Variants in WDR20 observed in about 807,000 individuals in gnomAD.
WDR20 encodes WD repeat-containing protein 20.
A neutral mutation model predicts 38.7 loss-of-function variants in WDR20; 3 were observed. The ratio of observed to expected loss-of-function variants is 0.08; its 90% CI spans 0.04 to 0.20. The LOEUF is 0.20. Ranked by LOEUF, WDR20 falls within the 10% of genes least tolerant of loss-of-function variation. The probability of loss-of-function intolerance (pLI) is 1.00; values close to 1 mark genes in which losing one functional copy is unlikely to be tolerated. For missense variants in WDR20, 559 were observed against 727.7 expected (o/e 0.77, Z 2.67); for synonymous variants, 298 against 285.6 (o/e 1.04, Z -0.44).
chr14:102,148,406 G>A (rs2054429860), intron 1 of WDR20, among the ~76,000 whole-genome samples: 1 of 151,976 alleles, frequency 6.6e-6, no homozygotes, highest in Non-Finnish European at 1.5e-5. Context: ...CAGGTGTGGT[G>A]GTGCACGCCT....
In WDR20 at chr14:102,207,824, A is replaced by C. The variant is rs1288121547; in HGVS notation, c.433-779A>C. ...GGGTTTTAAAGGCAAGACTACTGACATACGCCTGTTAAAGAAACATCTCGG... is the reference window on the plus strand; with the variant it reads ...GGGTTTTAAAGGCAAGACTACTGACCTACGCCTGTTAAAGAAACATCTCGG... On this transcript the variant is annotated intron_variant, in intron 2 of 2. Coordinates refer to ENST00000342702, the MANE Select transcript of WDR20 (RefSeq NM_144574.4). This position sits in a 1 kb window ranked among gnomAD's most constrained non-coding sequence, Gnocchi z 5.0. 6.6e-6 allele frequency among the ~76,000 whole-genome samples: 1 copy of C among 152,190 alleles called. No individual in the cohort carries two copies. Among genetic ancestry groups the C allele is most frequent in the Non-Finnish European group, 1.5e-5 (1 of 68,030 alleles).
At chr14:102,184,366 C>T (rs932110236) in intron 1 of WDR20, among the ~76,000 whole-genome samples, 1 of 152,266 alleles carries the variant, frequency 6.6e-6, no homozygotes, top group South Asian at 2.1e-4. Flanking sequence ...CTTTAAGAAG[C>T]TACTCTGAAG....
intron 1 of WDR20, among the ~76,000 whole-genome samples, chr14:102,169,163 C>T (rs1210851950): frequency 1.3e-5 from 2 of 152,062 alleles, no homozygotes; most frequent in Non-Finnish European, 2.9e-5. Context: ...GCCAATGGTA[C>T]ACGCTCTGCT....
At position 102,222,956 on chromosome 14, in the gene WDR20, C is replaced by T. The variant is rs999340172; in HGVS notation, c.*73C>T. ...AGTGACGAGGAGGAGCTCCGAGCTGCGCCTGAGCCGTGCCAGCCGGCGGAC... is the reference window on the plus strand; with the variant it reads ...AGTGACGAGGAGGAGCTCCGAGCTGTGCCTGAGCCGTGCCAGCCGGCGGAC... On this transcript the variant is annotated 3_prime_UTR_variant, in exon 4 of 4. Coordinates refer to the WDR20 transcript ENST00000335263. The surrounding 1 kb of genome is among the most constrained non-coding windows in gnomAD (Gnocchi z 4.4). 1.1e-5 allele frequency: 17 copies of T among 1,582,682 alleles called. No homozygotes were observed. The highest frequency in any genetic ancestry group is 8.4e-5 in the Admixed American group (5 of 59,542).
chr14:102,201,604 G>C (rs1265322561), intron 2 of WDR20, among the ~76,000 whole-genome samples: 1 of 151,594 alleles, frequency 6.6e-6, no homozygotes, highest in Non-Finnish European at 1.5e-5. Flanking sequence ...CTGCAGAGCT[G>C]GAACTATGGG....
At chr14:102,178,805 T>A (rs2062736693) in intron 1 of WDR20, 1 of 152,110 alleles carries the variant, frequency 6.6e-6, no homozygotes, top group Non-Finnish European at 1.5e-5. Flanking sequence ...TCCCATTTAC[T>A]GAATAGCTAC....
In WDR20 at chr14:102,222,769, G is replaced by T. The variant is rs1270566642; in HGVS notation, c.1693-61G>T. 3 of 1,590,958 alleles carry T rather than the reference G, an allele frequency of 1.9e-6. No homozygotes were observed. The African/African-American group carries it at 4.0e-5, about 21-fold the overall frequency. On this transcript the variant is annotated intron_variant, in intron 3 of 3. Transcript: ENST00000335263. The surrounding 1 kb of genome is among the most constrained non-coding windows in gnomAD (Gnocchi z 4.4). ...ACGTGGAGCTGCTGGCGGAGGGCGC[G>T]CATGGTGGCTGTTGCCCGTCCGGTG... is the stretch of plus-strand genomic sequence containing the variant.
rs765694612 is a variant in WDR20, at chr14:102,208,534, TTTC to T, written c.433-66_433-64del. 6.6e-7 allele frequency: 1 copy of T among 1,516,752 alleles called. No individual in the cohort carries two copies. Among genetic ancestry groups the T allele is most frequent in the Non-Finnish European group, 8.8e-7 (1 of 1,134,166 alleles). The allele number at this position is 1,516,752 out of a possible 1,614,324, so 94.0% of individuals were successfully genotyped here. On this transcript the variant is annotated intron_variant, in intron 2 of 2. Coordinates refer to ENST00000342702, the MANE Select transcript of WDR20 (RefSeq NM_144574.4). This position sits in a 1 kb window ranked among gnomAD's most constrained non-coding sequence, Gnocchi z 5.6. ...CCTTCCCATCGAGAAGCACACAAGT[TTTC>T]TTGCTGGAAAAGTAGACCTTTGAGA... is the stretch of plus-strand genomic sequence containing the variant.
At chr14:102,157,688 AG>A (rs2057740191) in intron 1 of WDR20, among the ~76,000 whole-genome samples, 2 of 152,122 alleles carry the variant, frequency 1.3e-5, no homozygotes, top group South Asian at 4.1e-4. Flanking sequence ...GTCAGCTGAA[AG>A]GGGAGGGGAT....
downstream of WDR20, chr14:102,212,626 G>GTTCC: frequency 6.5e-7 from 1 of 1,535,080 alleles, no homozygotes; most frequent in Non-Finnish European, 8.7e-7. Context: ...GAGAGGGGCA[G>GTTCC]GGAAGCGCCC....
Position 102,203,640 on chromosome 14 carries a change from C to T in WDR20, c.433-4963C>T, listed in dbSNP as rs537690344. Among the ~76,000 whole-genome samples the T allele has an allele frequency of 2.0e-5, 3 of 152,246 alleles. No individual in the cohort carries two copies. The South Asian group carries it at 6.2e-4, about 32-fold the overall frequency. On this transcript the variant is annotated intron_variant, in intron 2 of 2. Transcript: ENST00000342702. The stretch of plus-strand genomic sequence containing the variant: ...GCCTGCTGTGTTGGCTGGGCTTTTC[C>T]TTGGAGCATGGCCCCTGGTGCTTCT...
At position 102,140,113 on chromosome 14, in the gene WDR20, C is replaced by T. The variant is rs367961460; in HGVS notation, c.190C>T (p.Arg64Cys). The change falls in exon 1 of 3, where the codon CGC (arginine) becomes TGC (cysteine). Residue 64 changes from arginine (R) to cysteine (C), a missense_variant. By Grantham distance (180) the Arg-to-Cys change is radical. Transcript: ENST00000342702. ...CAACGACCAGTCTGGCAACGGCGAC[C>T]GCCTCTGCTTCAATGTGGGCCGGGA... ...NLNDQSGNGD[R>C]LCFNVGRELY... 3 of 1,613,986 alleles carry T rather than the reference C, an allele frequency of 1.9e-6. No individual in the cohort carries two copies. Among genetic ancestry groups the T allele is most frequent in the Non-Finnish European group, 2.5e-6 (3 of 1,180,042 alleles).
At chr14:102,181,386 C>G (rs1275164963) in intron 1 of WDR20, among the ~76,000 whole-genome samples, 4 of 152,106 alleles carry the variant, frequency 2.6e-5, no homozygotes, top group African/African-American at 9.7e-5. Flanking sequence ...TGAATGAGAT[C>G]AGAGCTCCGA....
intron 1 of WDR20, among the ~76,000 whole-genome samples, chr14:102,188,423 C>G (rs1443231756): frequency 6.6e-6 from 1 of 152,152 alleles, no homozygotes; most frequent in Non-Finnish European, 1.5e-5. Context: ...AGTGGGCAGG[C>G]AGGGCTATGG....
intron 1 of WDR20, among the ~76,000 whole-genome samples, chr14:102,140,648 G>T (rs1194942572): frequency 1.3e-5 from 2 of 152,178 alleles, no homozygotes; most frequent in Non-Finnish European, 2.9e-5. Context: ...GCGGAGCATT[G>T]AGACTAGGTC....
chr14:102,160,025 G>A (rs1165844967), intron 1 of WDR20, among the ~76,000 whole-genome samples: 1 of 152,048 alleles, frequency 6.6e-6, no homozygotes, highest in African/African-American at 2.4e-5. Flanking sequence ...GATGGCTTAA[G>A]CCCAGGAATT....
intron 1 of WDR20, among the ~76,000 whole-genome samples, chr14:102,171,796 G>A (rs1427582128): frequency 6.6e-6 from 1 of 151,572 alleles, no homozygotes. Context: ...GATAAGATTA[G>A]TAATAATAGG....
At chr14:102,144,101 C>G (rs1404431449) in intron 1 of WDR20, among the ~76,000 whole-genome samples, 2 of 151,866 alleles carry the variant, frequency 1.3e-5, no homozygotes, top group African/African-American at 2.4e-5. Context: ...GCTCTTGAGC[C>G]GAAGAGTTAA....
intron 1 of WDR20, among the ~76,000 whole-genome samples, chr14:102,156,889 G>C (rs1451827162): frequency 6.6e-6 from 1 of 152,154 alleles, no homozygotes; most frequent in African/African-American, 2.4e-5. Context: ...AACTTGGGAG[G>C]CTAAGGCAGG....
Sources: gnomAD v4.1 joint callset for allele counts (sites outside exome capture counted in the v4.1 genomes callset) on GRCh38, gnomAD v4.1.1 for gene constraint, Gnocchi (gnomAD v3.1) non-coding constraint, MANE v1.5 for transcripts, NCBI Gene and HGNC (gene_info 2026-07-23, HGNC 2026-07-21) for gene names.